FHIP1A: variants seen among roughly 807,000 people sequenced by gnomAD.
The protein encoded by FHIP1A is FHF complex subunit HOOK-interacting protein 1A.
A neutral mutation model predicts 88.6 loss-of-function variants in FHIP1A; 61 were observed. That is an observed-to-expected ratio of 0.69 (90% CI 0.56 to 0.85). The LOEUF (loss-of-function observed/expected upper bound fraction) is 0.85. FHIP1A is among the 40% of genes least tolerant of loss of function. The pLI, the probability that FHIP1A is intolerant of heterozygous loss-of-function variation, is 0.00. For synonymous variants in FHIP1A, 478 were observed against 496.0 expected (o/e 0.96, Z 0.48); for missense variants, 1,154 against 1,273.5 (o/e 0.91, Z 1.43).
At chr4:151,509,057 A>G (rs530282261) in intron 3 of FHIP1A, among the ~76,000 whole-genome samples, 1 of 152,326 alleles carries the variant, frequency 6.6e-6, no homozygotes, top group South Asian at 2.1e-4. Flanking sequence ...CTTCCCATGT[A>G]CAAATGAATA....
rs1737626254 is a variant in FHIP1A at position 151,665,480 on chromosome 4, A to G, written c.*2726A>G. ...GTCCATGGTTTTGCAAAATGAAGTC[A>G]GAAAATGGAGCTGGATGTAGAGAGA... On this transcript the variant is annotated 3_prime_UTR_variant, in exon 14 of 14. Transcript: ENST00000435205. Among the ~76,000 whole-genome samples, 1 of 152,238 alleles carries G rather than the reference A, an allele frequency of 6.6e-6. No individual in the cohort carries two copies. The highest frequency in any genetic ancestry group is 2.1e-4 in the South Asian group (1 of 4,834).
chr4:151,422,636 C>T (rs151139604), intron 1 of FHIP1A, among the ~76,000 whole-genome samples: 3 of 152,320 alleles, frequency 2.0e-5, no homozygotes, highest in African/African-American at 7.2e-5. Context: ...AGTGATTCGC[C>T]TGCCTCAGCC....
chr4:151,511,768 A>G (rs896165061), intron 3 of FHIP1A, among the ~76,000 whole-genome samples: 1 of 152,230 alleles, frequency 6.6e-6, no homozygotes, highest in Non-Finnish European at 1.5e-5. Flanking sequence ...TGCTTAGGTA[A>G]ATAAAGCAGG....
At chr4:151,637,664 G>A (rs977907609) in intron 8 of FHIP1A, among the ~76,000 whole-genome samples, 1 of 152,176 alleles carries the variant, frequency 6.6e-6, no homozygotes, top group African/African-American at 2.4e-5. Context: ...CGATGCCTAA[G>A]CTAAGACTTT....
intron 1 of FHIP1A, among the ~76,000 whole-genome samples, chr4:151,439,647 C>G (rs1002133569): frequency 6.6e-6 from 1 of 152,046 alleles, no homozygotes; most frequent in Admixed American, 6.6e-5. Flanking sequence ...ATGACAGTTC[C>G]AAGTTCTGAT....
intron 8 of FHIP1A, among the ~76,000 whole-genome samples, chr4:151,638,027 G>T (rs1487402731): frequency 6.6e-6 from 1 of 152,120 alleles, no homozygotes; most frequent in African/African-American, 2.4e-5. Context: ...ACACCTTTGG[G>T]TATCTCCCCT....
intron 3 of FHIP1A, among the ~76,000 whole-genome samples, chr4:151,553,584 A>G (rs1281271078): frequency 6.6e-6 from 1 of 152,080 alleles, no homozygotes; most frequent in Non-Finnish European, 1.5e-5. Context: ...AACCAGTTGG[A>G]ATTGATTTGT....
intron 1 of FHIP1A, among the ~76,000 whole-genome samples, chr4:151,444,407 G>T (rs1728517668): frequency 1.3e-5 from 2 of 152,022 alleles, no homozygotes; most frequent in Non-Finnish European, 2.9e-5. Context: ...ATAATTTAAA[G>T]AAACTTAATA....
chr4:151,606,099 C>A (rs957824187), intron 7 of FHIP1A, among the ~76,000 whole-genome samples: 9 of 152,180 alleles, frequency 5.9e-5, no homozygotes, highest in African/African-American at 2.2e-4. Flanking sequence ...GAGGAGTGGG[C>A]AGGACAGCAT....
At chr4:151,526,910 C>A (rs934736399) in intron 3 of FHIP1A, among the ~76,000 whole-genome samples, 8 of 151,112 alleles carry the variant, frequency 5.3e-5, no homozygotes, top group African/African-American at 1.7e-4. Context: ...AGGCGCTCCC[C>A]ACATCTCAGA....
chr4:151,526,527 G>C (rs1731655062), intron 3 of FHIP1A, among the ~76,000 whole-genome samples: 1 of 145,936 alleles, frequency 6.9e-6, no homozygotes, highest in East Asian at 2.1e-4. Context: ...GGCCGGCCAG[G>C]CAGAGGGGCT....
At chr4:151,542,444 A>G (rs1361787168) in intron 3 of FHIP1A, among the ~76,000 whole-genome samples, 2 of 151,830 alleles carry the variant, frequency 1.3e-5, no homozygotes, top group Non-Finnish European at 2.9e-5. Flanking sequence ...GTCCCACTCT[A>G]TATTCTCTTT....
At chr4:151,541,856 A>C (rs1732305357) in intron 3 of FHIP1A, among the ~76,000 whole-genome samples, 1 of 152,174 alleles carries the variant, frequency 6.6e-6, no homozygotes, top group African/African-American at 2.4e-5. Flanking sequence ...TTCCTTGCTA[A>C]TTACACTTTT....
Position 151,668,695 on chromosome 4 carries a change from A to G in FHIP1A, c.*5941A>G, listed in dbSNP as rs1172992804. On this transcript the variant is annotated 3_prime_UTR_variant, in exon 14 of 14. Transcript: ENST00000435205. The stretch of plus-strand genomic sequence containing the variant: ...GGGCCCCACAAAAGGCTGTCCATTA[A>G]TTTGTTTCATACAGTAAGCGAGCTT... Among the ~76,000 whole-genome samples the G allele has an allele frequency of 6.6e-6, 1 of 152,212 alleles. No homozygotes were observed. Among genetic ancestry groups the G allele is most frequent in the African/African-American group, 2.4e-5 (1 of 41,458 alleles).
intron 2 of FHIP1A, among the ~76,000 whole-genome samples, chr4:151,458,804 G>A (rs886111342): frequency 6.6e-6 from 1 of 151,986 alleles, no homozygotes; most frequent in African/African-American, 2.4e-5. Context: ...TATCTTAGTC[G>A]GCTCCTACTC....
chr4:151,538,826 A>G (rs1170265335), intron 3 of FHIP1A, among the ~76,000 whole-genome samples: 1 of 152,258 alleles, frequency 6.6e-6, no homozygotes, highest in African/African-American at 2.4e-5. Context: ...TGTTATATTC[A>G]AAGGTCTCCA....
Position 151,646,618 on chromosome 4 carries a change from CTG to C in FHIP1A, c.1289_1290del (p.Cys430LeufsTer40), listed in dbSNP as rs762798286. The part of the protein sequence containing the change: ...SQRWAVKERD[C>X]YSVSAAKLLA... Reference sequence around the variant, plus strand: ...AGAGGTGGGCTGTGAAGGAGAGAGACTGTTACTCTGTTTCTGCGGCCAAGCTT... The same window carrying C: ...AGAGGTGGGCTGTGAAGGAGAGAGACTTACTCTGTTTCTGCGGCCAAGCTT... On this transcript the variant is annotated frameshift_variant, in exon 10 of 14. Coordinates refer to ENST00000435205, the MANE Select transcript of FHIP1A (RefSeq NM_001109977.3). LOFTEE classifies it high-confidence loss of function. The C allele has an allele frequency of 4.5e-6, 7 of 1,551,608 alleles. No individual in the cohort carries two copies. The highest frequency in any genetic ancestry group is 6.1e-6 in the Non-Finnish European group (7 of 1,146,896).
At chr4:151,504,118 AG>A (rs1560735349) in intron 3 of FHIP1A, among the ~76,000 whole-genome samples, 1 of 152,238 alleles carries the variant, frequency 6.6e-6, no homozygotes, top group Non-Finnish European at 1.5e-5. Flanking sequence ...TATTCCCTTT[AG>A]TCTGGTGATT....
intron 3 of FHIP1A, among the ~76,000 whole-genome samples, chr4:151,524,192 C>T (rs566666066): frequency 1.3e-5 from 2 of 152,000 alleles, no homozygotes; most frequent in East Asian, 1.9e-4. Flanking sequence ...ATCCCAGCTA[C>T]TTGGGAGGCT....
Sources: gnomAD v4.1 joint callset for allele counts (sites outside exome capture counted in the v4.1 genomes callset) on GRCh38, gnomAD v4.1.1 for gene constraint, MANE v1.5 for transcripts, NCBI Gene and HGNC (gene_info 2026-07-23, HGNC 2026-07-21) for gene names.